Variants in CPQ observed in about 807,000 individuals in gnomAD.
CPQ encodes Ser-Met dipeptidase.
CPQ carries 37 observed loss-of-function variants against 45.7 expected under a neutral mutation model. The ratio of observed to expected loss-of-function variants is 0.81; its 90% CI spans 0.62 to 1.07. The LOEUF is 1.07. Among genes scored for constraint, CPQ ranks in the 50% least tolerant of loss-of-function variants. The pLI is 0.00. For synonymous variants in CPQ, 186 were observed against 205.8 expected (o/e 0.90, Z 0.82); for missense variants, 537 against 572.9 (o/e 0.94, Z 0.64).
intron 1 of CPQ, among the ~76,000 whole-genome samples, chr8:96,668,390 T>A (rs902540770): frequency 6.6e-6 from 1 of 152,188 alleles, no homozygotes; most frequent in Non-Finnish European, 1.5e-5. Flanking sequence ...AAGGATGAGA[T>A]CATTGGGTGA....
intron 1 of CPQ, among the ~76,000 whole-genome samples, chr8:96,768,770 T>C (rs1007243600): frequency 5.3e-5 from 8 of 152,186 alleles, no homozygotes; most frequent in African/African-American, 1.9e-4. Context: ...AGAACTGTAT[T>C]TGCAGCAAGA....
At chr8:96,910,374 G>A (rs1423845620) in intron 4 of CPQ, among the ~76,000 whole-genome samples, 4 of 152,152 alleles carry the variant, frequency 2.6e-5, no homozygotes, top group Non-Finnish European at 4.4e-5. Flanking sequence ...CATTGTACAA[G>A]GATATGTACT....
intron 4 of CPQ, among the ~76,000 whole-genome samples, chr8:96,938,789 A>C (rs1406047248): frequency 6.6e-6 from 1 of 152,160 alleles, no homozygotes; most frequent in African/African-American, 2.4e-5. Context: ...AGCTGAGTGG[A>C]GAAAGGTGGA....
intron 4 of CPQ, among the ~76,000 whole-genome samples, chr8:96,891,221 T>C (rs1157838393): frequency 1.3e-5 from 2 of 152,092 alleles, no homozygotes; most frequent in Non-Finnish European, 2.9e-5. Context: ...AATCCATGGA[T>C]GGTAGTCTTG....
At chr8:97,022,999 T>C (rs1378019075) in intron 5 of CPQ, among the ~76,000 whole-genome samples, 1 of 145,700 alleles carries the variant, frequency 6.9e-6, no homozygotes, top group Non-Finnish European at 1.5e-5. Flanking sequence ...ATATATACAG[T>C]ATATATATAC....
chr8:96,764,436 T>C (rs1810442628), intron 1 of CPQ, among the ~76,000 whole-genome samples: 1 of 152,212 alleles, frequency 6.6e-6, no homozygotes, highest in African/African-American at 2.4e-5. Flanking sequence ...AATACGTTCA[T>C]TATCTTAACA....
rs182022255 is a variant in CPQ at position 96,914,615 on chromosome 8, G to T, written c.849+34610G>T. On this transcript the variant is annotated intron_variant, in intron 4 of 7. Coordinates refer to ENST00000220763, the MANE Select transcript of CPQ (RefSeq NM_016134.4). ...TTAAACGTCTCAGTTTTCAGTGAGG[G>T]GAATACATCCTTGGTCCTACTTTGT... is the stretch of plus-strand genomic sequence containing the variant. 5.4e-3 allele frequency among the ~76,000 whole-genome samples: 828 copies of T among 152,144 alleles called. 7 individuals are homozygous for T. The highest frequency in any genetic ancestry group is 0.018 in the African/African-American group (733 of 41,492).
rs1021663291 is a variant in CPQ at position 97,133,848 on chromosome 8, C to T, written c.1256-9172C>T. The stretch of plus-strand genomic sequence containing the variant: ...TTCTAATAAATAATCTTTGGGTGGA[C>T]TTGGCCCCTGAATGACATTGAAAGA... On this transcript the variant is annotated intron_variant, in intron 7 of 7. Coordinates refer to ENST00000220763, the MANE Select transcript of CPQ (RefSeq NM_016134.4). Among the ~76,000 whole-genome samples the T allele has an allele frequency of 2.0e-5, 3 of 152,142 alleles. No homozygotes were observed. The South Asian group carries it at 6.2e-4, about 32-fold the overall frequency.
At chr8:96,783,942 AC>A (rs1810723903) in intron 1 of CPQ, among the ~76,000 whole-genome samples, 1 of 152,166 alleles carries the variant, frequency 6.6e-6, no homozygotes, top group Non-Finnish European at 1.5e-5. Context: ...GGTATGGCCC[AC>A]AAACCCATGC....
At chr8:96,862,797 C>T (rs1052389510) in intron 3 of CPQ, among the ~76,000 whole-genome samples, 12 of 152,050 alleles carry the variant, frequency 7.9e-5, no homozygotes, top group African/African-American at 1.2e-4. Context: ...GCCTATGTGA[C>T]GATGTTCTGG....
chr8:96,828,464 T>C (rs1378280139), intron 2 of CPQ, among the ~76,000 whole-genome samples: 1 of 151,890 alleles, frequency 6.6e-6, no homozygotes, highest in African/African-American at 2.4e-5. Flanking sequence ...TTGGCACTCA[T>C]TTTTCCCATC....
At chr8:97,088,425 T>A (rs1032446213) in intron 7 of CPQ, among the ~76,000 whole-genome samples, 6 of 152,178 alleles carry the variant, frequency 3.9e-5, no homozygotes, top group African/African-American at 1.4e-4. Flanking sequence ...TATATTCAAG[T>A]CCCAAATGAG....
chr8:96,693,382 A>G (rs1466742686), intron 1 of CPQ, among the ~76,000 whole-genome samples: 4 of 152,152 alleles, frequency 2.6e-5, no homozygotes, highest in Non-Finnish European at 4.4e-5. Flanking sequence ...GAACACCAAG[A>G]TTTAACCCAA....
intron 5 of CPQ, among the ~76,000 whole-genome samples, chr8:96,994,221 T>C (rs1809140854): frequency 6.6e-6 from 1 of 152,154 alleles, no homozygotes. Flanking sequence ...GTTTTGTCTA[T>C]TGAGACAGCT....
chr8:96,818,610 T>C (rs977808048), intron 2 of CPQ, among the ~76,000 whole-genome samples: 4 of 152,130 alleles, frequency 2.6e-5, no homozygotes, highest in African/African-American at 9.7e-5. Context: ...CCCATTTGCC[T>C]GTTTTGGGCA....
chr8:97,070,713 G>C (rs546494001), intron 7 of CPQ, among the ~76,000 whole-genome samples: 2 of 152,238 alleles, frequency 1.3e-5, no homozygotes, highest in Admixed American at 1.3e-4. Flanking sequence ...ACATAAAATG[G>C]TGAATTGCTC....
chr8:96,724,111 T>C (rs959435599), intron 1 of CPQ, among the ~76,000 whole-genome samples: 1 of 152,068 alleles, frequency 6.6e-6, no homozygotes, highest in African/African-American at 2.4e-5. Context: ...TCTTTTTATA[T>C]AGTTTTATTG....
intron 1 of CPQ, among the ~76,000 whole-genome samples, chr8:96,708,437 G>GTA (rs71512449): frequency 8.0e-4 from 88 of 109,934 alleles, no homozygotes; most frequent in Non-Finnish European, 1.2e-3. Context: ...GTGTGTGTGT[G>GTA]TATATATATA....
intron 5 of CPQ, among the ~76,000 whole-genome samples, chr8:96,981,015 T>C (rs1813885764): frequency 6.6e-6 from 1 of 152,136 alleles, no homozygotes; most frequent in South Asian, 2.1e-4. Flanking sequence ...AAAAGAATAG[T>C]AGAAACAGTA....
Sources: gnomAD v4.1 joint callset for allele counts (sites outside exome capture counted in the v4.1 genomes callset) on GRCh38, gnomAD v4.1.1 for gene constraint, MANE v1.5 for transcripts, NCBI Gene and HGNC (gene_info 2026-07-23, HGNC 2026-07-21) for gene names.